Variants in TBC1D22A observed in about 807,000 individuals in gnomAD.
TBC1D22A encodes the protein TBC1 domain family member 22A.
A neutral mutation model predicts 60.2 loss-of-function variants in TBC1D22A; 38 were observed. The observed-to-expected ratio is 0.63, with a 90% CI of 0.49 to 0.83. TBC1D22A has a LOEUF of 0.83. Ranked by LOEUF, TBC1D22A falls within the 40% of genes least tolerant of loss-of-function variation. The pLI is 0.00. For synonymous variants in TBC1D22A, 302 were observed against 281.7 expected (o/e 1.07, Z -0.72); for missense variants, 628 against 701.0 (o/e 0.90, Z 1.18).
In TBC1D22A at chr22:47,028,143, C is replaced by G. The variant is rs1237539676; in HGVS notation, c.1202-8928C>G. ...CTTGTTGCTTCAGTGCCATGTAGCT[C>G]TAGAAGAAGTTGTATTTTAGATTAT... On this transcript the variant is annotated intron_variant, in intron 10 of 12. Coordinates refer to ENST00000337137, the MANE Select transcript of TBC1D22A (RefSeq NM_014346.5). The surrounding 1 kb of genome is among the most constrained non-coding windows in gnomAD (Gnocchi z 4.4). Among the ~76,000 whole-genome samples the G allele has an allele frequency of 6.6e-6, 1 of 152,126 alleles. No individual in the cohort carries two copies. The highest frequency in any genetic ancestry group is 1.9e-4 in the East Asian group (1 of 5,196).
At chr22:47,159,164 G>T (rs1355258727) in intron 12 of TBC1D22A, among the ~76,000 whole-genome samples, 1 of 146,570 alleles carries the variant, frequency 6.8e-6, no homozygotes, top group African/African-American at 2.6e-5. Context: ...CACACCATGT[G>T]TGCGGATACT....
intron 4 of TBC1D22A, among the ~76,000 whole-genome samples, chr22:46,838,429 A>G (rs2086610780): frequency 6.6e-6 from 1 of 152,246 alleles, no homozygotes; most frequent in South Asian, 2.1e-4. Flanking sequence ...ATACATCCCA[A>G]CGAGGAAAAG....
At chr22:46,952,846 G>C (rs1018370751) in intron 8 of TBC1D22A, among the ~76,000 whole-genome samples, 1 of 152,156 alleles carries the variant, frequency 6.6e-6, no homozygotes, top group Non-Finnish European at 1.5e-5. Flanking sequence ...TGTCCTCCAC[G>C]TCAGGACCAC....
rs111964901 is a variant in TBC1D22A, at chr22:46,944,588, T to C, written c.1016-29702T>C. 6.5e-3 allele frequency among the ~76,000 whole-genome samples: 985 copies of C among 152,294 alleles called. 9 individuals carry two copies. Among genetic ancestry groups the C allele is most frequent in the African/African-American group, 0.018 (763 of 41,558 alleles). ...TAATTTCTTGTATTTTTAGTAGAGA[T>C]GGGGTTTCACCGTGTTAGCCAGGAT... On this transcript the variant is annotated intron_variant, in intron 8 of 12. Transcript: ENST00000337137.
chr22:46,922,890 C>T (rs957967378), intron 8 of TBC1D22A, among the ~76,000 whole-genome samples: 5 of 152,220 alleles, frequency 3.3e-5, no homozygotes, highest in Admixed American at 2.0e-4. Context: ...TTTATTTCCT[C>T]TCTTCCTATT....
At chr22:47,059,967 C>G (rs530080608) in intron 11 of TBC1D22A, among the ~76,000 whole-genome samples, 2 of 152,260 alleles carry the variant, frequency 1.3e-5, no homozygotes, top group East Asian at 3.9e-4. Context: ...GCTGCAGGAG[C>G]GTCGCACAGC....
chr22:46,780,369 CT>C (rs2083884218), intron 1 of TBC1D22A, among the ~76,000 whole-genome samples: 2 of 152,144 alleles, frequency 1.3e-5, no homozygotes, highest in African/African-American at 4.8e-5. Context: ...CTTTTCCATA[CT>C]TTTATTTTCT....
At chr22:47,065,364 C>G (rs2063716605) in intron 11 of TBC1D22A, among the ~76,000 whole-genome samples, 1 of 152,206 alleles carries the variant, frequency 6.6e-6, no homozygotes, top group Admixed American at 6.5e-5. Flanking sequence ...TTTGGTTCCT[C>G]ACTAACATTA....
At chr22:46,867,613 T>C (rs2067117393) in intron 4 of TBC1D22A, among the ~76,000 whole-genome samples, 1 of 152,174 alleles carries the variant, frequency 6.6e-6, no homozygotes, top group African/African-American at 2.4e-5. Flanking sequence ...TCAGTAGATG[T>C]GGAAATAGCC....
At chr22:46,895,529 G>A (rs1473381102) in intron 7 of TBC1D22A, among the ~76,000 whole-genome samples, 2 of 152,076 alleles carry the variant, frequency 1.3e-5, no homozygotes, top group African/African-American at 4.8e-5. Flanking sequence ...CCACCACCAC[G>A]CCCGGCTAAT....
intron 7 of TBC1D22A, among the ~76,000 whole-genome samples, chr22:46,910,254 G>A (rs537442301): frequency 5.3e-5 from 8 of 152,154 alleles, no homozygotes; most frequent in Non-Finnish European, 5.9e-5. Context: ...GGGTGGCGGG[G>A]GGCCTGGACT....
intron 12 of TBC1D22A, among the ~76,000 whole-genome samples, chr22:47,165,565 C>T (rs542485906): frequency 1.4e-4 from 22 of 151,742 alleles, no homozygotes; most frequent in Non-Finnish European, 2.2e-4. Flanking sequence ...GCATGTCGCC[C>T]GCCCCACTGC....
At chr22:46,766,919 G>A (rs543559479) in intron 1 of TBC1D22A, among the ~76,000 whole-genome samples, 1 of 152,252 alleles carries the variant, frequency 6.6e-6, no homozygotes, top group African/African-American at 2.4e-5. Flanking sequence ...CTGGCTTCCT[G>A]TTCTCCCTGG....
intron 12 of TBC1D22A, among the ~76,000 whole-genome samples, chr22:47,149,618 C>T (rs982749635): frequency 2.6e-5 from 4 of 152,214 alleles, no homozygotes; most frequent in South Asian, 2.1e-4. Flanking sequence ...AGCCCTGCCC[C>T]GGGAGCTCAC....
chr22:46,805,423 G>T (rs904642988), intron 4 of TBC1D22A, among the ~76,000 whole-genome samples: 1 of 152,274 alleles, frequency 6.6e-6, no homozygotes, highest in African/African-American at 2.4e-5. Flanking sequence ...TCAGCAAGAT[G>T]CCTGGAGGCA....
At chr22:47,065,086 C>T (rs1309864535) in intron 11 of TBC1D22A, among the ~76,000 whole-genome samples, 5 of 152,180 alleles carry the variant, frequency 3.3e-5, no homozygotes, top group African/African-American at 9.6e-5. Context: ...CGGGTTCAAG[C>T]GATTCTCAAC....
intron 1 of TBC1D22A, among the ~76,000 whole-genome samples, chr22:46,785,050 G>T (rs760642372): frequency 3.4e-4 from 52 of 152,338 alleles, no homozygotes; most frequent in African/African-American, 8.7e-4. Flanking sequence ...GATTGTGCTT[G>T]ATCTAAGCAG....
At chr22:47,164,410 C>T (rs1462222250) in intron 12 of TBC1D22A, among the ~76,000 whole-genome samples, 6 of 152,206 alleles carry the variant, frequency 3.9e-5, no homozygotes, top group African/African-American at 1.4e-4. Flanking sequence ...GAAGGACAGG[C>T]AGGACCTGGG....
At chr22:46,916,851 G>A (rs576484639) in intron 8 of TBC1D22A, among the ~76,000 whole-genome samples, 14 of 152,204 alleles carry the variant, frequency 9.2e-5, no homozygotes, top group East Asian at 1.9e-4. Context: ...AAGTGAAAAC[G>A]AAGTGAGAGG....
Sources: gnomAD v4.1 joint callset for allele counts (sites outside exome capture counted in the v4.1 genomes callset) on GRCh38, gnomAD v4.1.1 for gene constraint, Gnocchi (gnomAD v3.1) non-coding constraint, MANE v1.5 for transcripts, NCBI Gene and HGNC (gene_info 2026-07-23, HGNC 2026-07-21) for gene names.